MYOCD: variants seen among roughly 807,000 people sequenced by gnomAD.
MYOCD encodes the protein myocardin.
A neutral mutation model predicts 96.1 loss-of-function variants in MYOCD; 32 were observed. The observed-to-expected ratio is 0.33, with a 90% CI of 0.25 to 0.45. The LOEUF (loss-of-function observed/expected upper bound fraction) is 0.45. Ranked by LOEUF, MYOCD falls within the 20% of genes least tolerant of loss-of-function variation. The pLI, the probability that MYOCD is intolerant of heterozygous loss-of-function variation, is 1.00. For missense variants in MYOCD, 1,133 were observed against 1,200.6 expected (o/e 0.94, Z 0.83); for synonymous variants, 469 against 469.0 (o/e 1.00, Z 0.00).
chr17:12,716,853 G>A (rs931403297), intron 3 of MYOCD, among the ~76,000 whole-genome samples: 3 of 151,846 alleles, frequency 2.0e-5, no homozygotes, highest in Admixed American at 2.0e-4. Context: ...AGCTGGGTTT[G>A]GTGATGCATG....
chr17:12,752,153 C>G (rs549632807), intron 9 of MYOCD, among the ~76,000 whole-genome samples: 6 of 152,272 alleles, frequency 3.9e-5, no homozygotes, highest in African/African-American at 1.4e-4. Context: ...GATTAGATGA[C>G]TTCTACCATT....
chr17:12,699,294 TTTG>T (rs2030941657), intron 1 of MYOCD, among the ~76,000 whole-genome samples: 1 of 151,994 alleles, frequency 6.6e-6, no homozygotes, highest in Non-Finnish European at 1.5e-5. Flanking sequence ...CCTGCTAAGT[TTTG>T]TATTTTTAGT....
chr17:12,710,553 T>G (rs2031448935), intron 2 of MYOCD: 2 of 978,204 alleles, frequency 2.0e-6, no homozygotes, highest in Non-Finnish European at 1.2e-6. Flanking sequence ...ATCCCTGAAT[T>G]TTGTGGTACT....
rs2033407117 is a variant in MYOCD at position 12,768,819 on chromosome 17, C to CA, written c.*5176dup. 2 of 149,014 alleles carry CA rather than the reference C, an allele frequency of 1.3e-5. No homozygotes were observed. Among genetic ancestry groups the CA allele is most frequent in the Non-Finnish European group, 3.0e-5 (2 of 67,738 alleles). 9.2% of individuals were successfully genotyped at this position (149,014 alleles called of 1,614,324 possible). Reference sequence around the variant, plus strand: ...TCTCTTTGGCTCAATTGAGCATAATCAGAAAGAAATGTGGGTTATTGGGAA... The same window carrying CA: ...TCTCTTTGGCTCAATTGAGCATAATCAAGAAAGAAATGTGGGTTATTGGGAA... On this transcript the variant is annotated 3_prime_UTR_variant, in exon 14 of 14. Transcript: ENST00000425538.
At chr17:12,720,915 G>C (rs1465057502) in intron 4 of MYOCD, among the ~76,000 whole-genome samples, 1 of 150,416 alleles carries the variant, frequency 6.6e-6, no homozygotes, top group Admixed American at 6.6e-5. Context: ...CCAGCTACTC[G>C]GGAGGCTGAG....
At position 12,705,194 on chromosome 17, in the gene MYOCD, G is replaced by T; in HGVS notation, c.121+1G>T. On this transcript the variant is annotated splice_donor_variant, in intron 2 of 13. Transcript: ENST00000425538. LOFTEE classifies it high-confidence loss of function. ...CTGGCTAACCAAGGCATAATACCAC[G>T]TGAGTACCTGCATCTCTTAATTACT... 3 of 1,607,826 alleles carry T rather than the reference G, an allele frequency of 1.9e-6. No individual in the cohort carries two copies. The highest frequency in any genetic ancestry group is 2.6e-6 in the Non-Finnish European group (3 of 1,174,424).
chr17:12,717,190 C>T (rs573466978), intron 3 of MYOCD, among the ~76,000 whole-genome samples, 156 bp from the exon 4 acceptor site: 2 of 152,126 alleles, frequency 1.3e-5, no homozygotes, highest in East Asian at 1.9e-4. Flanking sequence ...AAAAATTACT[C>T]GAGGGGTCTT....
At chr17:12,727,546 C>T (rs1567588694) in intron 5 of MYOCD, among the ~76,000 whole-genome samples, 8 of 152,134 alleles carry the variant, frequency 5.3e-5, no homozygotes. Flanking sequence ...GGGTATTTTC[C>T]CTCCCCTGTC....
chr17:12,765,247 A>G lies in MYOCD; in HGVS notation c.*1603A>G, dbSNP rs978423222. On this transcript the variant is annotated 3_prime_UTR_variant, in exon 14 of 14. Coordinates refer to ENST00000425538, the MANE Select transcript of MYOCD (RefSeq NM_001146312.3). Reference sequence around the variant, plus strand: ...ACCATTTTATATTGTTGCATGCTGTAGAAAGGAGCTATTGCTGTTGTTTTG... The same window carrying G: ...ACCATTTTATATTGTTGCATGCTGTGGAAAGGAGCTATTGCTGTTGTTTTG... 4.6e-5 allele frequency: 7 copies of G among 152,082 alleles called. No individual in the cohort carries two copies. Among genetic ancestry groups the G allele is most frequent in the African/African-American group, 1.4e-4 (6 of 41,404 alleles). 9.4% of individuals were successfully genotyped at this position (152,082 alleles called of 1,614,324 possible).
chr17:12,703,625 A>G (rs1243034940), intron 1 of MYOCD, among the ~76,000 whole-genome samples: 1 of 152,114 alleles, frequency 6.6e-6, no homozygotes, highest in Non-Finnish European at 1.5e-5. Context: ...AACTTGCTCT[A>G]TGACTCTGCT....
intron 1 of MYOCD, among the ~76,000 whole-genome samples, chr17:12,673,076 A>C (rs1378004334): frequency 6.6e-6 from 1 of 152,068 alleles, no homozygotes; most frequent in Non-Finnish European, 1.5e-5. Flanking sequence ...TGACTAGAAA[A>C]TACCCCATAA....
rs1567591071 is a variant in MYOCD at position 12,733,885 on chromosome 17, A to AAAAAAG, written c.416-2273_416-2272insAAGAAA. Among the ~76,000 whole-genome samples the AAAAAAG allele has an allele frequency of 5.0e-4, 70 of 139,804 alleles. 6 individuals carry two copies. Among genetic ancestry groups the AAAAAAG allele is most frequent in the African/African-American group, 1.3e-3 (49 of 37,194 alleles). 91.7% of individuals were successfully genotyped at this position (139,804 alleles called of 152,430 possible). On this transcript the variant is annotated intron_variant, in intron 5 of 13. Transcript: ENST00000425538. Reference sequence around the variant, plus strand: ...CGTCTCAAAAAAAAGAAAAAAGAAAAAAAGAAAGAAATGAGAAAATGTGCC... The same window carrying AAAAAAG: ...CGTCTCAAAAAAAAGAAAAAAGAAAAAAAAAGAAAGAAAGAAATGAGAAAATGTGCC...
chr17:12,683,242 A>G (rs969606867), intron 1 of MYOCD, among the ~76,000 whole-genome samples: 2 of 152,176 alleles, frequency 1.3e-5, no homozygotes, highest in Non-Finnish European at 2.9e-5. Flanking sequence ...AGGGATGCCC[A>G]TCCTCAGAAC....
chr17:12,717,416 T>C lies in MYOCD; in HGVS notation c.248T>C (p.Leu83Pro). The C allele has an allele frequency of 6.2e-7, 1 of 1,613,188 alleles. No individual in the cohort carries two copies. The highest frequency in any genetic ancestry group is 8.5e-7 in the Non-Finnish European group (1 of 1,179,396). ...GCCGACTTGGTTAATATGCACATAC[T>C]CCAAGGTAAGGCTGCAAGAAATCAG... Reference protein sequence around the residue: ...NSADLVNMHILQASTAERSIP... With the variant: ...NSADLVNMHIPQASTAERSIP... The change falls in exon 4 of 14, where the codon CTC becomes CCC. Residue 83 changes from leucine (L) to proline (P), a missense_variant. Transcript: ENST00000425538.
At position 12,753,167 on chromosome 17, in the gene MYOCD, A is replaced by G; in HGVS notation, c.1879A>G (p.Thr627Ala). 6.2e-7 allele frequency: 1 copy of G among 1,614,152 alleles called. No individual in the cohort carries two copies. The highest frequency in any genetic ancestry group is 8.5e-7 in the Non-Finnish European group (1 of 1,180,026). Residue 627 changes from threonine (T) to alanine (A), a missense_variant, in exon 10 of 14, where the codon ACA becomes GCA. By Grantham distance (58) the Thr-to-Ala change is moderately conservative. Transcript: ENST00000425538. Reference protein sequence around the residue: ...SSDQTNVLSSTFLSPQCSPQH... With the variant: ...SSDQTNVLSSAFLSPQCSPQH... ...AGATCAAACCAATGTACTTTCTTCC[A>G]CATTTCTCAGCCCCCAGTGTTCCCC... is the stretch of plus-strand genomic sequence containing the variant.
intron 1 of MYOCD, among the ~76,000 whole-genome samples, chr17:12,675,565 T>C (rs1480662819): frequency 6.6e-6 from 1 of 152,234 alleles, no homozygotes; most frequent in Non-Finnish European, 1.5e-5. Flanking sequence ...TTTATGTTTT[T>C]TAAAAAGTAT....
chr17:12,698,100 A>G (rs1427281200), intron 1 of MYOCD, among the ~76,000 whole-genome samples: 4 of 152,218 alleles, frequency 2.6e-5, no homozygotes, highest in Non-Finnish European at 5.9e-5. Flanking sequence ...AAAGGCTAGC[A>G]TAAGGAGCCA....
intron 7 of MYOCD, 70 bp from the exon 8 acceptor site, chr17:12,744,113 C>G: frequency 6.4e-7 from 1 of 1,552,008 alleles, no homozygotes; most frequent in South Asian, 1.2e-5. Context: ...TGCCTCACAA[C>G]GTGTCCATGA....
chr17:12,753,377 C>T (rs1246815375), intron 10 of MYOCD, 31 bp downstream of exon 10: 1 of 1,508,978 alleles, frequency 6.6e-7, no homozygotes, highest in East Asian at 2.3e-5. Context: ...GCCTGGTGCA[C>T]ACTTCTTTCT....
Sources: allele counts gnomAD v4.1 joint callset (sites outside exome capture counted in the v4.1 genomes callset), GRCh38; gene constraint gnomAD v4.1.1; transcripts MANE v1.5; gene names NCBI Gene and HGNC (gene_info 2026-07-23, HGNC 2026-07-21).